GALNT13: variants seen among roughly 807,000 people sequenced by gnomAD.
GALNT13 encodes UDP-GalNAc:polypeptide N-acetylgalactosaminyltransferase 13.
A neutral mutation model predicts 64.2 loss-of-function variants in GALNT13; 28 were observed. The observed-to-expected ratio is 0.44, with a 90% CI of 0.32 to 0.60. The LOEUF (loss-of-function observed/expected upper bound fraction) is 0.60, where lower values mean the gene tolerates loss of function less well. Among genes scored for constraint, GALNT13 ranks in the 20% least tolerant of loss-of-function variants. GALNT13 has a pLI of 0.05. For missense variants in GALNT13, 577 were observed against 669.8 expected (o/e 0.86, Z 1.53); for synonymous variants, 214 against 224.6 (o/e 0.95, Z 0.42).
At chr2:153,746,810 G>A in the GALNT13 span, among the ~76,000 whole-genome samples, 1 of 151,858 alleles carries the variant, frequency 6.6e-6, no homozygotes, top group African/African-American at 2.4e-5. Context: ...TGTTATTTGG[G>A]GTTTCAACTT....
chr2:154,377,002 A>G (rs1457957301), intron 9 of GALNT13, among the ~76,000 whole-genome samples: 1 of 152,176 alleles, frequency 6.6e-6, no homozygotes, highest in Non-Finnish European at 1.5e-5. Flanking sequence ...TATTCTTAGT[A>G]CCAGAACCTG....
chr2:154,336,493 C>A (rs1296839283), intron 9 of GALNT13, among the ~76,000 whole-genome samples: 1 of 152,034 alleles, frequency 6.6e-6, no homozygotes, highest in Non-Finnish European at 1.5e-5. Context: ...TTAGAATCTC[C>A]TATGAAGCAT....
the GALNT13 span, among the ~76,000 whole-genome samples, chr2:153,569,357 C>G: frequency 0.2 from 30,484 of 151,812 alleles, 3,735 homozygotes; most frequent in Non-Finnish European, 0.29. Flanking sequence ...TGAATATACT[C>G]TTTTAAAAAT....
At chr2:153,501,569 T>A in the GALNT13 span, among the ~76,000 whole-genome samples, 1 of 152,232 alleles carries the variant, frequency 6.6e-6, no homozygotes, top group African/African-American at 2.4e-5. Flanking sequence ...TGACCTTAGG[T>A]GATCCACCTG....
the GALNT13 span, among the ~76,000 whole-genome samples, chr2:153,528,499 A>G: frequency 6.6e-6 from 1 of 151,992 alleles, no homozygotes; most frequent in African/African-American, 2.4e-5. Context: ...CCCTACTTTC[A>G]GCCCTGGACA....
At chr2:154,061,746 T>C (rs556743428) in intron 3 of GALNT13, among the ~76,000 whole-genome samples, 1 of 25,062 alleles carries the variant, frequency 4.0e-5, no homozygotes, top group African/African-American at 7.9e-5. Context: ...CAACATGGAA[T>C]TTTTTTATTT....
the GALNT13 span, among the ~76,000 whole-genome samples, chr2:153,608,671 AAT>A: frequency 2.8e-5 from 4 of 144,050 alleles, no homozygotes; most frequent in South Asian, 2.2e-4. Flanking sequence ...TTAATATATA[AAT>A]ATATGTCTCA....
chr2:154,345,243 A>C (rs1389363390), intron 9 of GALNT13, among the ~76,000 whole-genome samples: 2 of 152,030 alleles, frequency 1.3e-5, no homozygotes, highest in Non-Finnish European at 2.9e-5. Flanking sequence ...TGGAAAGTTC[A>C]TAATAATCCT....
At chr2:153,351,025 TA>T in the GALNT13 span, among the ~76,000 whole-genome samples, 2 of 152,160 alleles carry the variant, frequency 1.3e-5, no homozygotes, top group Non-Finnish European at 2.9e-5. Context: ...TTGTAGGTTT[TA>T]AGGAGGATAG....
At chr2:154,167,073 A>C (rs1685072850) in intron 4 of GALNT13, among the ~76,000 whole-genome samples, 1 of 152,154 alleles carries the variant, frequency 6.6e-6, no homozygotes, top group Non-Finnish European at 1.5e-5. Flanking sequence ...ACATGTATAC[A>C]TATGTAACAA....
chr2:153,988,799 GTATT>G (rs1322371904), intron 3 of GALNT13, among the ~76,000 whole-genome samples: 1 of 151,934 alleles, frequency 6.6e-6, no homozygotes, highest in Non-Finnish European at 1.5e-5. Context: ...AGTCTTTGGA[GTATT>G]TATTTATATT....
the GALNT13 span, among the ~76,000 whole-genome samples, chr2:153,731,404 A>G: frequency 6.6e-6 from 1 of 151,868 alleles, no homozygotes; most frequent in African/African-American, 2.4e-5. Context: ...AATGTACACC[A>G]TTTGGATGAT....
the GALNT13 span, among the ~76,000 whole-genome samples, chr2:153,548,677 G>C: frequency 6.6e-6 from 1 of 152,092 alleles, no homozygotes; most frequent in Non-Finnish European, 1.5e-5. Flanking sequence ...CTCTTTATCT[G>C]AGTGTATAAA....
the GALNT13 span, chr2:153,356,586 A>T: frequency 6.6e-6 from 1 of 152,154 alleles, no homozygotes; most frequent in Non-Finnish European, 1.5e-5. Context: ...TAACATTCTA[A>T]AAGCAGGTAA....
chr2:153,466,670 C>T, the GALNT13 span, among the ~76,000 whole-genome samples: 3 of 152,002 alleles, frequency 2.0e-5, no homozygotes, highest in Admixed American at 1.3e-4. Context: ...TTCAGCAAAA[C>T]TTCTGCATCT....
chr2:153,404,477 C>T, the GALNT13 span, among the ~76,000 whole-genome samples: 1 of 151,690 alleles, frequency 6.6e-6, no homozygotes, highest in Non-Finnish European at 1.5e-5. Flanking sequence ...CTGTTAGAAG[C>T]TTTCTAATTT....
the GALNT13 span, among the ~76,000 whole-genome samples, chr2:153,107,272 A>G: frequency 6.6e-6 from 1 of 152,180 alleles, no homozygotes; most frequent in African/African-American, 2.4e-5. Context: ...TTGAACAATC[A>G]GATGTAGAGA....
the GALNT13 span, among the ~76,000 whole-genome samples, chr2:153,126,296 G>GTA: frequency 4.8e-4 from 57 of 118,790 alleles, no homozygotes; most frequent in African/African-American, 1.3e-3. Flanking sequence ...TATTGATTTT[G>GTA]TATATATATA....
intron 3 of GALNT13, among the ~76,000 whole-genome samples, chr2:153,947,438 G>A (rs1375173788): frequency 6.7e-6 from 1 of 149,836 alleles, no homozygotes; most frequent in South Asian, 2.1e-4. Context: ...GATCACTGAT[G>A]TTGAGTTTTT....
Sources: allele counts gnomAD v4.1 joint callset (sites outside exome capture counted in the v4.1 genomes callset), GRCh38; gene constraint gnomAD v4.1.1; transcripts MANE v1.5; gene names NCBI Gene and HGNC (gene_info 2026-07-23, HGNC 2026-07-21).